ERC1: variants seen among roughly 807,000 people sequenced by gnomAD.
ERC1 encodes the protein ELKS/RAB6-interacting/CAST family member 1.
ERC1 carries 56 observed loss-of-function variants against 132.0 expected under a neutral mutation model. That is an observed-to-expected ratio of 0.42 (90% CI 0.34 to 0.53). The LOEUF is 0.53. ERC1 is among the 20% of genes least tolerant of loss of function. ERC1 has a pLI of 0.03. For missense variants in ERC1, 1,202 were observed against 1,349.9 expected, an observed-to-expected ratio of 0.89 and a Z score of 1.72; for synonymous variants, 478 against 476.1, an observed-to-expected ratio of 1.00 and a Z score of -0.05.
chr12:1,264,717 A>G (rs1055048835), intron 14 of ERC1, among the ~76,000 whole-genome samples: 1 of 152,154 alleles, frequency 6.6e-6, no homozygotes, highest in South Asian at 2.1e-4. Flanking sequence ...CATAACACTT[A>G]ATTTTGCAGT....
At chr12:1,180,985 G>C (rs576986102) in intron 9 of ERC1, among the ~76,000 whole-genome samples, 3 of 152,002 alleles carry the variant, frequency 2.0e-5, no homozygotes, top group Admixed American at 2.0e-4. Flanking sequence ...GTAATTTTTT[G>C]TATTTTTTGT....
At chr12:1,434,459 C>T (rs963126510) in intron 17 of ERC1, among the ~76,000 whole-genome samples, 2 of 152,340 alleles carry the variant, frequency 1.3e-5, no homozygotes, top group East Asian at 3.9e-4. Flanking sequence ...GATGTGTACA[C>T]CATGTACCCC....
chr12:1,060,175 C>CTTTTTTTTTTTTTTT lies in ERC1; in HGVS notation c.670-22979_670-22978insTTTTTTTTTTTTTTT, dbSNP rs563850203. Among the ~76,000 whole-genome samples the CTTTTTTTTTTTTTTT allele has an allele frequency of 2.4e-4, 34 of 144,108 alleles. 2 individuals carry two copies. Among genetic ancestry groups the CTTTTTTTTTTTTTTT allele is most frequent in the Non-Finnish European group, 3.7e-4 (24 of 65,370 alleles). 94.5% of individuals were successfully genotyped at this position (144,108 alleles called of 152,430 possible). A position where few individuals can be genotyped will look rare whatever the true frequency, so the allele number is the denominator to read the frequency against. Reference sequence around the variant, plus strand: ...TCATGGTGGGAGGCAAAGGCCACTTCTTTTTTTTTTACTATTATACTTTAA... The same window carrying CTTTTTTTTTTTTTTT: ...TCATGGTGGGAGGCAAAGGCCACTTCTTTTTTTTTTTTTTTTTTTTTTTTTACTATTATACTTTAA... On this transcript the variant is annotated intron_variant, in intron 2 of 18. Coordinates refer to ENST00000360905, the MANE Select transcript of ERC1 (RefSeq NM_178040.4).
intron 17 of ERC1, among the ~76,000 whole-genome samples, chr12:1,418,617 T>TTC (rs1407912699): frequency 8.9e-6 from 1 of 112,846 alleles, no homozygotes; most frequent in African/African-American, 5.4e-5. Flanking sequence ...CTTTCTTTCT[T>TTC]TCTTTCTTTC....
At chr12:1,185,920 G>A (rs1011577585) in intron 11 of ERC1, among the ~76,000 whole-genome samples, 2 of 151,988 alleles carry the variant, frequency 1.3e-5, no homozygotes, top group African/African-American at 2.4e-5. Flanking sequence ...GTGGCTTTTA[G>A]CCACACCAGT....
intron 12 of ERC1, among the ~76,000 whole-genome samples, chr12:1,216,872 T>C (rs945678823): frequency 2.0e-5 from 3 of 151,912 alleles, no homozygotes; most frequent in Admixed American, 1.3e-4. Context: ...TTAAATGAAG[T>C]GGGAGTGTTG....
At chr12:1,428,272 C>T (rs1309042912) in intron 17 of ERC1, among the ~76,000 whole-genome samples, 2 of 152,296 alleles carry the variant, frequency 1.3e-5, no homozygotes, top group Non-Finnish European at 2.9e-5. Flanking sequence ...AATGTGGGCA[C>T]CCGACAGGGC....
At chr12:1,131,667 C>T (rs1190474236) in intron 7 of ERC1, among the ~76,000 whole-genome samples, 1 of 151,952 alleles carries the variant, frequency 6.6e-6, no homozygotes, top group Non-Finnish European at 1.5e-5. Context: ...GGGTTTCACC[C>T]TGTTAGCCAG....
At chr12:1,202,696 A>T (rs1957023549) in intron 12 of ERC1, among the ~76,000 whole-genome samples, 1 of 152,136 alleles carries the variant, frequency 6.6e-6, no homozygotes, top group African/African-American at 2.4e-5. Flanking sequence ...TGCTAAAGTG[A>T]AATATGATTC....
intron 7 of ERC1, among the ~76,000 whole-genome samples, chr12:1,129,280 C>T (rs1030850587): frequency 1.3e-5 from 2 of 151,886 alleles, no homozygotes; most frequent in Non-Finnish European, 2.9e-5. Context: ...TGAGACCAGC[C>T]GGGGCAACAG....
intron 18 of ERC1, among the ~76,000 whole-genome samples, chr12:1,456,860 C>T (rs908903047): frequency 6.6e-6 from 1 of 151,982 alleles, no homozygotes; most frequent in African/African-American, 2.4e-5. Flanking sequence ...CTTGCATTCC[C>T]ATCCCCATAA....
At chr12:1,224,687 GA>G (rs200728834) in intron 12 of ERC1, among the ~76,000 whole-genome samples, 1 of 150,714 alleles carries the variant, frequency 6.6e-6, no homozygotes, top group South Asian at 2.1e-4. Context: ...TGATAAAAAA[GA>G]AAAAAAAATA....
In ERC1 at chr12:1,169,424, G is replaced by C. The variant is rs184322581; in HGVS notation, c.1738-11116G>C. Reference sequence around the variant, plus strand: ...CCCCCTACTTGGGACAACAGCTTCAGAGCTCCTCGTGGGGTTGTCAGAATC... The same window carrying C: ...CCCCCTACTTGGGACAACAGCTTCACAGCTCCTCGTGGGGTTGTCAGAATC... On this transcript the variant is annotated intron_variant, in intron 8 of 18. Coordinates refer to ENST00000360905, the MANE Select transcript of ERC1 (RefSeq NM_178040.4). Among the ~76,000 whole-genome samples the C allele has an allele frequency of 3.3e-5, 5 of 152,326 alleles. No homozygotes were observed. In the East Asian group the frequency reaches 9.7e-4, roughly 29 times the overall value.
intron 2 of ERC1, among the ~76,000 whole-genome samples, chr12:1,041,825 C>T (rs572060315): frequency 1.3e-5 from 2 of 152,196 alleles, no homozygotes; most frequent in South Asian, 4.1e-4. Flanking sequence ...ATTTCTTGAC[C>T]CTTAGAGAGG....
chr12:1,208,957 A>ATT lies in ERC1; in HGVS notation c.2351+18933_2351+18934dup, dbSNP rs538961813. Among the ~76,000 whole-genome samples, 278 of 71,632 alleles carry ATT rather than the reference A, an allele frequency of 3.9e-3. 17 individuals are homozygous for ATT. Among genetic ancestry groups the ATT allele is most frequent in the African/African-American group, 0.012 (190 of 15,968 alleles). The allele number at this position is 71,632 out of a possible 152,430, so 47.0% of individuals were successfully genotyped here. On this transcript the variant is annotated intron_variant, in intron 12 of 18. Transcript: ENST00000360905. Reference sequence around the variant, plus strand: ...AGGCACTTGCCACCACGCCCAGCTGATTTTTTTTTTTTTTTTTTTTTTTTT... The same window carrying ATT: ...AGGCACTTGCCACCACGCCCAGCTGATTTTTTTTTTTTTTTTTTTTTTTTTTT...
rs549488622 is a variant in ERC1 at position 1,258,681 on chromosome 12, A to C, written c.2488-4353A>C. Among the ~76,000 whole-genome samples, 30 of 152,376 alleles carry C rather than the reference A, an allele frequency of 2.0e-4. No individual in the cohort carries two copies. The East Asian group carries it at 5.6e-3, about 28-fold the overall frequency. On this transcript the variant is annotated intron_variant, in intron 13 of 18. Coordinates refer to ENST00000360905, the MANE Select transcript of ERC1 (RefSeq NM_178040.4). ...ATCTTCAGGATTTATGGAAGAACTT[A>C]CTGTGATAATATTGTCCCTTTTAAA...
intron 8 of ERC1, among the ~76,000 whole-genome samples, chr12:1,167,988 G>A (rs1015346008): frequency 6.6e-6 from 1 of 152,002 alleles, no homozygotes; most frequent in Non-Finnish European, 1.5e-5. Context: ...TGCTGGGATT[G>A]CAGGCGTGAG....
At chr12:1,268,363 T>A (rs1301597121) in intron 14 of ERC1, among the ~76,000 whole-genome samples, 1 of 152,248 alleles carries the variant, frequency 6.6e-6, no homozygotes, top group Non-Finnish European at 1.5e-5. Flanking sequence ...AAAAAAATCT[T>A]GTGCTTTTCC....
At chr12:1,398,115 C>A (rs117758905) in intron 16 of ERC1, among the ~76,000 whole-genome samples, 1 of 152,118 alleles carries the variant, frequency 6.6e-6, no homozygotes, top group East Asian at 1.9e-4. Flanking sequence ...TCCCAAGTAG[C>A]TGGGACTGCG....
Sources: allele counts gnomAD v4.1 joint callset (sites outside exome capture counted in the v4.1 genomes callset), GRCh38; gene constraint gnomAD v4.1.1; transcripts MANE v1.5; gene names NCBI Gene and HGNC (gene_info 2026-07-23, HGNC 2026-07-21).